GGT5: variants seen among roughly 807,000 people sequenced by gnomAD.
GGT5 encodes gamma-glutamyltransferase 5.
Under a neutral mutation model 58.1 loss-of-function variants are expected in GGT5, and 50 were observed. That is an observed-to-expected ratio of 0.86 (90% confidence interval 0.69 to 1.09). The LOEUF (loss-of-function observed/expected upper bound fraction) is 1.09, where lower values mean the gene tolerates loss of function less well. GGT5 is among the 50% of genes least tolerant of loss of function. GGT5 has a pLI of 0.00. For synonymous variants in GGT5, 370 were observed against 346.1 expected (o/e 1.07, Z -0.77); for missense variants, 800 against 789.4 (o/e 1.01, Z -0.16).
chr22:24,225,525 G>C lies in GGT5; in HGVS notation c.1336+21C>G, dbSNP rs201667511. 69 of 1,593,478 alleles carry C rather than the reference G, an allele frequency of 4.3e-5. No individual in the cohort carries two copies. In the African/African-American group the frequency reaches 8.0e-4, roughly 19 times the overall value. ...TGGTGGGGGGCCCTTGTGGACCCCG[G>C]GTGGGAAGCTTTGTTCTCACCAGGT... On this transcript the variant is annotated intron_variant, in intron 9 of 11. Coordinates refer to ENST00000327365, the MANE Select transcript of GGT5 (RefSeq NM_004121.5).
Position 24,225,356 on chromosome 22 carries a change from G to T in GGT5, c.1392C>A (p.Gly464=), listed in dbSNP as rs200146637. The change falls in exon 10 of 12, where the codon GGC becomes GGA. Residue 464 remains glycine (G), a synonymous_variant. Coordinates refer to ENST00000327365, the MANE Select transcript of GGT5 (RefSeq NM_004121.5). ...APGRCWPPVP[G]ERSPSSMVPS... ...GCACCATGGAGGATGGGGAACGCTC[G>T]CCTGGAACTGGGGGCCAGCACCTTC... is the stretch of plus-strand genomic sequence containing the variant. 5.0e-6 allele frequency: 8 copies of T among 1,612,536 alleles called. No homozygotes were observed. In the African/African-American group the frequency reaches 5.3e-5, roughly 11 times the overall value.
At chr22:24,243,763 C>G (rs928292409) in intron 1 of GGT5, 1 of 152,238 alleles carries the variant, frequency 6.6e-6, no homozygotes, top group African/African-American at 2.4e-5. Context: ...CCCGCTGTGG[C>G]CCCTCTCCAC....
chr22:24,240,529 C>T (rs2048300060), intron 1 of GGT5, among the ~76,000 whole-genome samples: 1 of 151,094 alleles, frequency 6.6e-6, no homozygotes, highest in Admixed American at 6.6e-5. Flanking sequence ...CACTCTGTCT[C>T]CCAGGCCGGA....
At chr22:24,231,353 T>TGGGGGG in intron 6 of GGT5, 31 bp downstream of exon 6, 1 of 1,307,718 alleles carries the variant, frequency 7.6e-7, no homozygotes, top group Non-Finnish European at 1.0e-6. Context: ...GGGGAGGGGG[T>TGGGGGG]GGGCGCCAGG....
At chr22:24,231,578 G>T in intron 5 of GGT5, 48 bp from the exon 6 acceptor site, 1 of 1,556,834 alleles carries the variant, frequency 6.4e-7, no homozygotes, top group East Asian at 2.4e-5. Flanking sequence ...AAACTGAGGC[G>T]GGGAGGAATA....
chr22:24,238,898 TA>T (rs1390946393), intron 1 of GGT5, among the ~76,000 whole-genome samples: 1,128 of 12,398 alleles, frequency 0.091, 175 homozygotes, highest in African/African-American at 0.29. Flanking sequence ...ATTTTATATA[TA>T]TATATATTAT....
chr22:24,233,997 G>C lies in GGT5; in HGVS notation c.181C>G (p.Leu61Val). ...TCCACGGGTGAGCCCTGCTGCTGGAGGATGGCTCTAGGGGACATGGCACAG... is the reference window on the plus strand; with the variant it reads ...TCCACGGGTGAGCCCTGCTGCTGGACGATGGCTCTAGGGGACATGGCACAG... ...KVCSDIGRAI[L>V]QQQGSPVDAT... is the part of the protein sequence containing the mutation. Residue 61 changes from leucine to valine, a missense_variant, in exon 2 of 12, where the codon CTC becomes GTC. Coordinates refer to ENST00000327365, the MANE Select transcript of GGT5 (RefSeq NM_004121.5). 1 of 1,609,116 alleles carries C rather than the reference G, an allele frequency of 6.2e-7. No homozygotes were observed. The highest frequency in any genetic ancestry group is 8.5e-7 in the Non-Finnish European group (1 of 1,178,132).
At chr22:24,227,996 G>A (rs1392807894) in intron 6 of GGT5, among the ~76,000 whole-genome samples, 1 of 141,402 alleles carries the variant, frequency 7.1e-6, no homozygotes, top group Admixed American at 7.6e-5. Flanking sequence ...TTGCAGTGAG[G>A]CAGGATTGCA....
chr22:24,244,267 G>A (rs1399994757), intron 1 of GGT5: 8 of 378,978 alleles, frequency 2.1e-5, no homozygotes, highest in Admixed American at 1.6e-4. Flanking sequence ...ACACACACAC[G>A]GCTCCTGCTT....
chr22:24,237,258 C>G (rs1350952837), intron 1 of GGT5, among the ~76,000 whole-genome samples: 1 of 152,022 alleles, frequency 6.6e-6, no homozygotes, highest in Non-Finnish European at 1.5e-5. Flanking sequence ...TAATGCCCCA[C>G]ACGTGGGGTG....
In GGT5 at chr22:24,244,543, T is replaced by A; in HGVS notation, c.173+10A>T. 1 of 1,608,238 alleles carries A rather than the reference T, an allele frequency of 6.2e-7. No homozygotes were observed. Among genetic ancestry groups the A allele is most frequent in the Non-Finnish European group, 8.5e-7 (1 of 1,176,838 alleles). On this transcript the variant is annotated intron_variant, in intron 1 of 11. Coordinates refer to ENST00000327365, the MANE Select transcript of GGT5 (RefSeq NM_004121.5). ...AAGGGCCACCCAGCTTCCTCCCACG[T>A]CTCACTCACCGTCCAATATCCGAGC...
chr22:24,232,591 C>T (rs890161879), intron 4 of GGT5, among the ~76,000 whole-genome samples: 8 of 151,248 alleles, frequency 5.3e-5, no homozygotes, highest in Non-Finnish European at 1.2e-4. Context: ...GAGCCCAAAT[C>T]CACACCTTGG....
intron 11 of GGT5, chr22:24,220,439 A>G: frequency 2.0e-6 from 1 of 507,166 alleles, no homozygotes; most frequent in Non-Finnish European, 3.8e-6. Context: ...CCTTCGATGG[A>G]GGATGTGGCT....
chr22:24,233,688 G>T (rs2048017927), intron 2 of GGT5, 95 bp from the exon 3 acceptor site: 1 of 871,574 alleles, frequency 1.1e-6, no homozygotes, highest in Non-Finnish European at 1.8e-6. Flanking sequence ...TTATGAGATG[G>T]ACTCTGGGCT....
intron 6 of GGT5, among the ~76,000 whole-genome samples, chr22:24,231,008 C>G (rs867870279): frequency 3.3e-4 from 51 of 152,258 alleles, no homozygotes; most frequent in African/African-American, 1.1e-3. Context: ...ACTGCCAGAA[C>G]CCCCCTGCAG....
intron 6 of GGT5, among the ~76,000 whole-genome samples, chr22:24,228,066 AC>A (rs66865072): frequency 0.05 from 4,177 of 83,256 alleles, 572 homozygotes; most frequent in Non-Finnish European, 0.056. Flanking sequence ...AAAAAAAAAA[AC>A]AAAACAAAAA....
At position 24,244,726 on chromosome 22, in the gene GGT5, G is replaced by T. The variant is rs1486959689; in HGVS notation, c.-1C>A. 13 of 1,606,690 alleles carry T rather than the reference G, an allele frequency of 8.1e-6. No individual in the cohort carries two copies. In the South Asian group the frequency reaches 1.2e-4, roughly 15 times the overall value. On this transcript the variant is annotated 5_prime_UTR_variant, in exon 1 of 12. Coordinates refer to ENST00000327365, the MANE Select transcript of GGT5 (RefSeq NM_004121.5). The stretch of plus-strand genomic sequence containing the variant: ...CCGTGGCCCCGTAGCCCCGGGCCAT[G>T]GCTCTGCAGCCCAGGAGGAGAGGGG...
chr22:24,235,610 A>AG (rs2148926757), intron 1 of GGT5, among the ~76,000 whole-genome samples: 1 of 152,382 alleles, frequency 6.6e-6, no homozygotes, highest in African/African-American at 2.4e-5. Flanking sequence ...AACAGGAAAG[A>AG]GAGCACAAAG....
chr22:24,238,934 T>A (rs1450832315), intron 1 of GGT5, among the ~76,000 whole-genome samples: 1 of 22,460 alleles, frequency 4.5e-5, no homozygotes, highest in African/African-American at 1.9e-4. Context: ...TAATATATAT[T>A]ATATAATATA....
Sources: allele counts gnomAD v4.1 joint callset (sites outside exome capture counted in the v4.1 genomes callset), GRCh38; gene constraint gnomAD v4.1.1; transcripts MANE v1.5; gene names NCBI Gene and HGNC (gene_info 2026-07-23, HGNC 2026-07-21).